Variants in LAMA2 observed in about 807,000 individuals in gnomAD.
LAMA2 encodes the protein laminin subunit alpha 2, also known as laminin subunit alpha-2.
A neutral mutation model predicts 364.8 loss-of-function variants in LAMA2; 269 were observed. The observed-to-expected ratio is 0.74, with a 90% confidence interval of 0.67 to 0.82. The LOEUF is 0.82. Ranked by LOEUF, LAMA2 falls within the 40% of genes least tolerant of loss-of-function variation. LAMA2 has a pLI of 0.00. For missense variants in LAMA2, 3,807 were observed against 3,873.2 expected (o/e 0.98, Z 0.45); for synonymous variants, 1,379 against 1,370.6 (o/e 1.01, Z -0.14).
chr6:129,158,954 A>G, intron 8 of LAMA2: 1 of 1,591,584 alleles, frequency 6.3e-7, no homozygotes, highest in Admixed American at 1.7e-5. Context: ...GAAAAAAGGC[A>G]AGGTATCCTC....
intron 37 of LAMA2, among the ~76,000 whole-genome samples, chr6:129,393,491 G>C (rs937712605): frequency 1.3e-5 from 2 of 152,120 alleles, no homozygotes; most frequent in Non-Finnish European, 2.9e-5. Flanking sequence ...AAATTAAACT[G>C]TTGAAGATAT....
chr6:129,173,994 G>C, intron 9 of LAMA2, among the ~76,000 whole-genome samples: 1 of 151,948 alleles, frequency 6.6e-6, no homozygotes, highest in Non-Finnish European at 1.5e-5. Flanking sequence ...TTTCAGATTT[G>C]CTTTGTGTCT....
intron 1 of LAMA2, among the ~76,000 whole-genome samples, chr6:128,923,607 ATAG>A (rs913313857): frequency 1.3e-5 from 2 of 152,182 alleles, no homozygotes; most frequent in Non-Finnish European, 2.9e-5. Flanking sequence ...GAAGATATAG[ATAG>A]TAGAATGATC....
At chr6:129,292,947 C>T in intron 20 of LAMA2, 1 of 985,908 alleles carries the variant, frequency 1.0e-6, no homozygotes, top group Non-Finnish European at 1.2e-6. Flanking sequence ...CCTCGGCAGG[C>T]AGGTGCACCA....
At chr6:129,256,559 T>C (rs1271988886) in intron 14 of LAMA2, among the ~76,000 whole-genome samples, 2 of 151,598 alleles carry the variant, frequency 1.3e-5, no homozygotes, top group Admixed American at 1.3e-4. Flanking sequence ...ACAATGCATA[T>C]AAATAGTGCA....
At chr6:128,925,621 C>T (rs1378248606) in intron 1 of LAMA2, among the ~76,000 whole-genome samples, 2 of 152,164 alleles carry the variant, frequency 1.3e-5, no homozygotes, top group African/African-American at 4.8e-5. Flanking sequence ...ACTAATACTA[C>T]TGAACTGTAT....
chr6:128,909,960 T>C (rs1412622992), intron 1 of LAMA2, among the ~76,000 whole-genome samples: 1 of 152,114 alleles, frequency 6.6e-6, no homozygotes, highest in East Asian at 1.9e-4. Context: ...TGTTGAATAT[T>C]GGCCCCCACT....
intron 30 of LAMA2, among the ~76,000 whole-genome samples, chr6:129,345,628 G>T (rs1380290314): frequency 6.6e-6 from 1 of 152,086 alleles, no homozygotes; most frequent in Non-Finnish European, 1.5e-5. Flanking sequence ...TTTATTGATT[G>T]CATCCACTGT....
chr6:129,494,145 C>G (rs1168138376), intron 58 of LAMA2, among the ~76,000 whole-genome samples: 3 of 152,224 alleles, frequency 2.0e-5, no homozygotes, highest in African/African-American at 7.2e-5. Context: ...AGTCACTACA[C>G]TCTTTACAGC....
At chr6:129,164,008 G>T (rs1002166349) in intron 8 of LAMA2, among the ~76,000 whole-genome samples, 11 of 152,002 alleles carry the variant, frequency 7.2e-5, no homozygotes, top group African/African-American at 2.7e-4. Flanking sequence ...GTCACCTCAG[G>T]ATCTGCTTTT....
intron 48 of LAMA2, among the ~76,000 whole-genome samples, chr6:129,458,123 A>G (rs1308224945): frequency 6.6e-6 from 1 of 152,094 alleles, no homozygotes; most frequent in Non-Finnish European, 1.5e-5. Flanking sequence ...TGTCTTGACC[A>G]TGGTCACACA....
At chr6:129,111,721 A>G (rs1291813606) in intron 4 of LAMA2, among the ~76,000 whole-genome samples, 1 of 152,056 alleles carries the variant, frequency 6.6e-6, no homozygotes, top group African/African-American at 2.4e-5. Context: ...ATTTATAAGT[A>G]TAATAATTTA....
chr6:129,223,929 C>T (rs1426742019), intron 12 of LAMA2, among the ~76,000 whole-genome samples: 1 of 152,088 alleles, frequency 6.6e-6, no homozygotes, highest in African/African-American at 2.4e-5. Context: ...TATGAATTAC[C>T]TTGGGCAGTA....
chr6:128,974,029 C>T (rs17723677), intron 1 of LAMA2, among the ~76,000 whole-genome samples: 10,902 of 152,244 alleles, frequency 0.072, 458 homozygotes, highest in South Asian at 0.12. Context: ...CACATTAACA[C>T]TGACCTAGTG....
At chr6:129,493,759 A>G (rs1007459915) in intron 58 of LAMA2, among the ~76,000 whole-genome samples, 1 of 152,188 alleles carries the variant, frequency 6.6e-6, no homozygotes, top group African/African-American at 2.4e-5. Flanking sequence ...AGAATTAGCT[A>G]TCTTAAGCAA....
intron 1 of LAMA2, among the ~76,000 whole-genome samples, chr6:128,914,689 A>G (rs896110136): frequency 1.3e-5 from 2 of 152,164 alleles, no homozygotes; most frequent in Non-Finnish European, 2.9e-5. Flanking sequence ...AGAGTCTTAT[A>G]GGCACTTTGT....
At position 128,907,385 on chromosome 6, in the gene LAMA2, T is replaced by A. The variant is rs1164660619; in HGVS notation, c.112+24028T>A. 1.5e-3 allele frequency among the ~76,000 whole-genome samples: 220 copies of A among 151,314 alleles called. 1 individual carries two copies. The highest frequency in any genetic ancestry group is 5.2e-3 in the African/African-American group (215 of 41,146). ...TAAGTTGGATTCCTAGGTATTTTAT[T>A]CTCTTTGAAGCAATTGTGAATGGGA... On this transcript the variant is annotated intron_variant, in intron 1 of 64. Coordinates refer to ENST00000421865, the MANE Select transcript of LAMA2 (RefSeq NM_000426.4).
chr6:129,245,889 A>G, intron 12 of LAMA2, among the ~76,000 whole-genome samples: 1 of 152,356 alleles, frequency 6.6e-6, no homozygotes, highest in Non-Finnish European at 1.5e-5. Context: ...ATGGATAAAT[A>G]TAAAAAGAGG....
chr6:129,202,756 G>A (rs1782386153), intron 12 of LAMA2, among the ~76,000 whole-genome samples: 1 of 152,090 alleles, frequency 6.6e-6, no homozygotes. Flanking sequence ...TCTTTACCAG[G>A]CAAAAATGTC....
Sources: gnomAD v4.1 joint callset for allele counts (sites outside exome capture counted in the v4.1 genomes callset) on GRCh38, gnomAD v4.1.1 for gene constraint, MANE v1.5 for transcripts, NCBI Gene and HGNC (gene_info 2026-07-23, HGNC 2026-07-21) for gene names.